Variants in ARK2C observed in about 807,000 individuals in gnomAD.
The protein encoded by ARK2C is E3 ubiquitin-protein ligase ARK2C.
At chr18:46,389,205 C>T in the ARK2C span, among the ~76,000 whole-genome samples, 1 of 152,168 alleles carries the variant, frequency 6.6e-6, no homozygotes, top group Non-Finnish European at 1.5e-5. Context: ...ATTTATTCAC[C>T]TCTGAAGGAA....
At chr18:46,448,001 G>T in the ARK2C span, among the ~76,000 whole-genome samples, 2 of 149,316 alleles carry the variant, frequency 1.3e-5, no homozygotes, top group Non-Finnish European at 3.0e-5. Context: ...CTTATATGCT[G>T]GCTCCCCTGT....
the ARK2C span, among the ~76,000 whole-genome samples, chr18:46,414,880 A>G: frequency 6.1e-3 from 931 of 152,274 alleles, 6 homozygotes; most frequent in Non-Finnish European, 8.0e-3. Context: ...TTGTGTCATC[A>G]CAGCCTTGTG....
the ARK2C span, among the ~76,000 whole-genome samples, chr18:46,438,616 G>T: frequency 1.6e-3 from 239 of 152,340 alleles, 1 homozygote; most frequent in African/African-American, 5.3e-3. Context: ...CCCAGGCAAG[G>T]GTGTGAAACC....
the ARK2C span, among the ~76,000 whole-genome samples, chr18:46,400,722 G>T: frequency 6.6e-6 from 1 of 152,144 alleles, no homozygotes; most frequent in Admixed American, 6.5e-5. Flanking sequence ...AGCCTCTGTT[G>T]TCTCCCTAGG....
At chr18:46,427,202 C>A in the ARK2C span, among the ~76,000 whole-genome samples, 4 of 152,336 alleles carry the variant, frequency 2.6e-5, no homozygotes, top group South Asian at 2.1e-4. Flanking sequence ...AGTCAAAGGA[C>A]CTTGCAGGTA....
chr18:46,408,299 G>T, the ARK2C span, among the ~76,000 whole-genome samples: 1 of 152,210 alleles, frequency 6.6e-6, no homozygotes, highest in African/African-American at 2.4e-5. Context: ...GAGAAGATGG[G>T]CATCTGCCAA....
chr18:46,448,017 G>C, the ARK2C span, among the ~76,000 whole-genome samples: 14 of 150,530 alleles, frequency 9.3e-5, no homozygotes, highest in East Asian at 2.0e-3. Context: ...CCTGTGCCCC[G>C]GCTTCCATAT....
At chr18:46,341,028 G>A in the ARK2C span, among the ~76,000 whole-genome samples, 1 of 152,212 alleles carries the variant, frequency 6.6e-6, no homozygotes, top group Non-Finnish European at 1.5e-5. Context: ...AGGGAAGAGT[G>A]TGTGTTGATG....
chr18:46,382,915 C>T, the ARK2C span, among the ~76,000 whole-genome samples: 1 of 152,242 alleles, frequency 6.6e-6, no homozygotes, highest in Non-Finnish European at 1.5e-5. Flanking sequence ...ACCATGAGCT[C>T]ATGTAGTCCC....
the ARK2C span, among the ~76,000 whole-genome samples, chr18:46,393,106 C>T: frequency 1.3e-5 from 2 of 152,196 alleles, no homozygotes; most frequent in Admixed American, 1.3e-4. Flanking sequence ...TCACTTCCTG[C>T]TGTCTGAGCT....
At chr18:46,436,276 ATGTG>A in the ARK2C span, among the ~76,000 whole-genome samples, 2 of 151,454 alleles carry the variant, frequency 1.3e-5, no homozygotes, top group South Asian at 4.2e-4. Flanking sequence ...GTATATATGT[ATGTG>A]TGTGTGTGTG....
the ARK2C span, among the ~76,000 whole-genome samples, chr18:46,339,308 G>T: frequency 6.6e-6 from 1 of 152,098 alleles, no homozygotes; most frequent in African/African-American, 2.4e-5. Flanking sequence ...CCAATTCCAG[G>T]ATTTCATTTT....
At chr18:46,435,500 G>C in the ARK2C span, 1 of 901,078 alleles carries the variant, frequency 1.1e-6, no homozygotes. Flanking sequence ...GAATGGCGCA[G>C]GAGGCCTAGT....
chr18:46,411,745 G>T, the ARK2C span, among the ~76,000 whole-genome samples: 1 of 152,202 alleles, frequency 6.6e-6, no homozygotes, highest in African/African-American at 2.4e-5. Context: ...GATACTTGGG[G>T]CTGCTCACCC....
At chr18:46,360,944 C>T in the ARK2C span, among the ~76,000 whole-genome samples, 1 of 152,334 alleles carries the variant, frequency 6.6e-6, no homozygotes, top group African/African-American at 2.4e-5. Flanking sequence ...CCATAGCTGT[C>T]CCAAGCTTTC....
At chr18:46,453,429 T>C in the ARK2C span, among the ~76,000 whole-genome samples, 2 of 151,856 alleles carry the variant, frequency 1.3e-5, no homozygotes. Context: ...CACGAGGAAA[T>C]TGTGAAGAGA....
chr18:46,366,214 C>A, the ARK2C span, among the ~76,000 whole-genome samples: 1 of 144,642 alleles, frequency 6.9e-6, no homozygotes, highest in Non-Finnish European at 1.5e-5. Flanking sequence ...CTCGCTTGAA[C>A]CCGGGAGGTG....
At chr18:46,409,526 G>T in the ARK2C span, among the ~76,000 whole-genome samples, 1 of 152,228 alleles carries the variant, frequency 6.6e-6, no homozygotes, top group African/African-American at 2.4e-5. Flanking sequence ...CTGAGCTGCT[G>T]AGTATTAGGA....
the ARK2C span, among the ~76,000 whole-genome samples, chr18:46,411,016 G>A: frequency 9.3e-3 from 1,419 of 152,342 alleles, 13 homozygotes; most frequent in Middle Eastern, 0.017. Context: ...TTGCTGAGAT[G>A]AGCCTCCCAA....
Sources: gnomAD v4.1 joint callset for allele counts (sites outside exome capture counted in the v4.1 genomes callset) on GRCh38, gnomAD v4.1.1 for gene constraint, MANE v1.5 for transcripts, NCBI Gene and HGNC (gene_info 2026-07-23, HGNC 2026-07-21) for gene names.